Variants in CIMIP7 observed in about 807,000 individuals in gnomAD.
CIMIP7 encodes uncharacterized protein C3orf84.
At chr3:49,183,228 A>G in the CIMIP7 span, among the ~76,000 whole-genome samples, 1 of 152,352 alleles carries the variant, frequency 6.6e-6, no homozygotes, top group Middle Eastern at 3.4e-3. Context: ...TAAAACCACA[A>G]TAAGATATCA....
chr3:49,189,736 G>C, the CIMIP7 span: 2 of 507,144 alleles, frequency 3.9e-6, no homozygotes, highest in Non-Finnish European at 7.5e-6. Flanking sequence ...AAAACTCAAG[G>C]CTTACTTCCT....
At chr3:49,190,127 G>GC in the CIMIP7 span, 5 of 1,602,922 alleles carry the variant, frequency 3.1e-6, no homozygotes, top group Non-Finnish European at 3.4e-6. Context: ...GCCCATAGAA[G>GC]CCATTGTTGT....
At chr3:49,181,585 G>A in the CIMIP7 span, among the ~76,000 whole-genome samples, 9 of 152,176 alleles carry the variant, frequency 5.9e-5, no homozygotes, top group African/African-American at 2.2e-4. Context: ...ATGAGCTTAA[G>A]AGGTCAAGGG....
the CIMIP7 span, among the ~76,000 whole-genome samples, chr3:49,183,293 G>T: frequency 1.6e-3 from 238 of 152,356 alleles, 5 homozygotes; most frequent in Middle Eastern, 6.8e-3. Flanking sequence ...TCAGGTATTG[G>T]TGAGAATGCA....
chr3:49,188,137 G>A, the CIMIP7 span, among the ~76,000 whole-genome samples: 1 of 152,212 alleles, frequency 6.6e-6, no homozygotes, highest in South Asian at 2.1e-4. Context: ...GCCCTGGATG[G>A]GCAGTATGGA....
chr3:49,191,656 A>G, the CIMIP7 span: 2 of 1,459,926 alleles, frequency 1.4e-6, no homozygotes, highest in African/African-American at 2.8e-5. Context: ...GCCAAATGAA[A>G]ACCTTTTCAC....
chr3:49,177,691 T>C, the CIMIP7 span: 4 of 1,609,900 alleles, frequency 2.5e-6, no homozygotes, highest in Admixed American at 1.7e-5. Context: ...GACCCCAGCA[T>C]GAAGGTAGTG....
the CIMIP7 span, among the ~76,000 whole-genome samples, chr3:49,180,983 C>T: frequency 7.0e-6 from 1 of 143,674 alleles, no homozygotes; most frequent in Non-Finnish European, 1.5e-5. Context: ...CTGCCTTAGA[C>T]AGTCTGATGG....
At chr3:49,191,325 TTAG>T in the CIMIP7 span, among the ~76,000 whole-genome samples, 1 of 152,234 alleles carries the variant, frequency 6.6e-6, no homozygotes, top group African/African-American at 2.4e-5. Flanking sequence ...TCTATTCAGG[TTAG>T]CTCAACAGTA....
At chr3:49,181,765 A>G in the CIMIP7 span, among the ~76,000 whole-genome samples, 1 of 152,248 alleles carries the variant, frequency 6.6e-6, no homozygotes, top group Non-Finnish European at 1.5e-5. Context: ...CTAACCAAAG[A>G]AGATTTACAG....
chr3:49,179,550 C>T, the CIMIP7 span, among the ~76,000 whole-genome samples: 2 of 152,216 alleles, frequency 1.3e-5, no homozygotes, highest in Non-Finnish European at 2.9e-5. Flanking sequence ...ACACCAGGTG[C>T]TCCCACTTAG....
chr3:49,183,999 A>G, the CIMIP7 span, among the ~76,000 whole-genome samples: 1 of 152,146 alleles, frequency 6.6e-6, no homozygotes, highest in Non-Finnish European at 1.5e-5. Flanking sequence ...GTATTATTCT[A>G]TTTATATAAC....
At chr3:49,191,523 G>A in the CIMIP7 span, 18 of 677,330 alleles carry the variant, frequency 2.7e-5, no homozygotes, top group South Asian at 2.7e-4. Flanking sequence ...ATTTCCACTG[G>A]CTTTCAGGAG....
At chr3:49,183,068 C>T in the CIMIP7 span, among the ~76,000 whole-genome samples, 3 of 152,314 alleles carry the variant, frequency 2.0e-5, no homozygotes, top group East Asian at 1.9e-4. Context: ...GCTCCCACAG[C>T]GCAGCGGCGG....
At chr3:49,181,086 A>G in the CIMIP7 span, among the ~76,000 whole-genome samples, 2 of 151,940 alleles carry the variant, frequency 1.3e-5, no homozygotes, top group African/African-American at 4.8e-5. Flanking sequence ...TCATGCCTAT[A>G]ATCCCAGCAG....
At chr3:49,187,128 A>G in the CIMIP7 span, among the ~76,000 whole-genome samples, 1 of 152,332 alleles carries the variant, frequency 6.6e-6, no homozygotes, top group East Asian at 1.9e-4. Flanking sequence ...ATTGACGCCC[A>G]ATGAGTTTTG....
the CIMIP7 span, chr3:49,178,499 G>T: frequency 1.2e-6 from 2 of 1,613,660 alleles, no homozygotes; most frequent in East Asian, 4.5e-5. Flanking sequence ...AAGGAAGTAC[G>T]GTTGTCGTGC....
the CIMIP7 span, among the ~76,000 whole-genome samples, chr3:49,191,145 G>A: frequency 6.6e-6 from 1 of 152,172 alleles, no homozygotes; most frequent in African/African-American, 2.4e-5. Context: ...CGATGGGTGT[G>A]TCTGGCCCTC....
the CIMIP7 span, among the ~76,000 whole-genome samples, chr3:49,190,639 G>A: frequency 1.3e-5 from 2 of 150,568 alleles, no homozygotes; most frequent in Non-Finnish European, 3.0e-5. Context: ...GAGACTACAG[G>A]CGCCCACTAT....
Sources: allele counts gnomAD v4.1 joint callset (sites outside exome capture counted in the v4.1 genomes callset), GRCh38; gene constraint gnomAD v4.1.1; transcripts MANE v1.5; gene names NCBI Gene and HGNC (gene_info 2026-07-23, HGNC 2026-07-21).